NRG3: variants seen among roughly 807,000 people sequenced by gnomAD.
The protein encoded by NRG3 is neuregulin 3.
Under a neutral mutation model 66.9 loss-of-function variants are expected in NRG3, and 31 were observed. The ratio of observed to expected loss-of-function variants is 0.46; its 90% CI spans 0.35 to 0.63. NRG3 has a LOEUF of 0.63. Ranked by LOEUF, NRG3 falls within the 20% of genes least tolerant of loss-of-function variation. The pLI is 0.00. For missense variants in NRG3, 910 were observed against 878.9 expected, an observed-to-expected ratio of 1.04 and a Z score of -0.45; for synonymous variants, 393 against 359.4, an observed-to-expected ratio of 1.09 and a Z score of -1.06.
intron 1 of NRG3, among the ~76,000 whole-genome samples, chr10:82,125,130 G>A (rs892534126): frequency 7.9e-5 from 12 of 151,932 alleles, no homozygotes; most frequent in Non-Finnish European, 1.5e-4. Context: ...GGGCTTATGA[G>A]ACAATTGAAA....
chr10:82,960,737 T>G (rs1307267149), intron 6 of NRG3, among the ~76,000 whole-genome samples: 1 of 152,058 alleles, frequency 6.6e-6, no homozygotes, highest in East Asian at 1.9e-4. Context: ...ACTGGTGACA[T>G]TACCTTGTGA....
At chr10:82,902,303 T>C (rs959915082) in intron 4 of NRG3, among the ~76,000 whole-genome samples, 1 of 152,180 alleles carries the variant, frequency 6.6e-6, no homozygotes, top group African/African-American at 2.4e-5. Flanking sequence ...CTGGGGAAGA[T>C]TAAAAAGATT....
intron 4 of NRG3, among the ~76,000 whole-genome samples, chr10:82,923,134 T>C (rs1277256130): frequency 6.6e-6 from 1 of 152,214 alleles, no homozygotes; most frequent in African/African-American, 2.4e-5. Context: ...TCATGCCACT[T>C]CCTGCAATCT....
intron 2 of NRG3, among the ~76,000 whole-genome samples, chr10:82,553,345 C>T (rs1461449704): frequency 1.3e-5 from 2 of 151,956 alleles, no homozygotes; most frequent in Non-Finnish European, 2.9e-5. Context: ...CACACAATCA[C>T]CACTTCATGT....
At chr10:82,004,230 T>C (rs890062482) in intron 1 of NRG3, among the ~76,000 whole-genome samples, 3 of 151,526 alleles carry the variant, frequency 2.0e-5, no homozygotes. Context: ...AATAGTTACA[T>C]ATCTACACAC....
chr10:82,287,170 G>C (rs2079462910), intron 1 of NRG3, among the ~76,000 whole-genome samples: 1 of 151,984 alleles, frequency 6.6e-6, no homozygotes, highest in South Asian at 2.1e-4. Context: ...CCTGGTGAGG[G>C]GTGTTTGGGT....
chr10:82,761,830 G>A (rs1315677850), intron 3 of NRG3, among the ~76,000 whole-genome samples: 2 of 151,460 alleles, frequency 1.3e-5, no homozygotes, highest in African/African-American at 4.8e-5. Flanking sequence ...ACATATATAT[G>A]TGTATGCACA....
chr10:82,196,473 T>C (rs1334638934), intron 1 of NRG3, among the ~76,000 whole-genome samples: 3 of 152,188 alleles, frequency 2.0e-5, no homozygotes, highest in African/African-American at 4.8e-5. Context: ...CAGGTCTCAC[T>C]TTCAATGCCT....
At chr10:82,701,867 C>A (rs2055906503) in intron 2 of NRG3, among the ~76,000 whole-genome samples, 1 of 152,142 alleles carries the variant, frequency 6.6e-6, no homozygotes, top group African/African-American at 2.4e-5. Context: ...TGCAAAACTT[C>A]CTCATTCTTC....
intron 1 of NRG3, among the ~76,000 whole-genome samples, chr10:81,981,289 T>C (rs1045454711): frequency 2.0e-5 from 3 of 152,152 alleles, no homozygotes; most frequent in Non-Finnish European, 4.4e-5. Context: ...AATCCATTGC[T>C]AAGACAGGAA....
At chr10:82,633,605 AG>A (rs1565149187) in intron 2 of NRG3, among the ~76,000 whole-genome samples, 1 of 152,110 alleles carries the variant, frequency 6.6e-6, no homozygotes, top group Non-Finnish European at 1.5e-5. Context: ...AGTGTGGCCC[AG>A]GAGTCAAGAT....
intron 3 of NRG3, among the ~76,000 whole-genome samples, chr10:82,756,948 G>C (rs968059341): frequency 2.0e-5 from 3 of 151,898 alleles, no homozygotes; most frequent in Non-Finnish European, 4.4e-5. Context: ...TTTTATCTAG[G>C]TGAAGTTTTC....
chr10:82,330,762 A>C (rs1033817755), intron 1 of NRG3, among the ~76,000 whole-genome samples: 4 of 152,228 alleles, frequency 2.6e-5, no homozygotes, highest in African/African-American at 9.6e-5. Flanking sequence ...CACCAACTTA[A>C]CATCTGAAAT....
At chr10:82,136,883 A>G (rs1376477800) in intron 1 of NRG3, among the ~76,000 whole-genome samples, 2 of 152,120 alleles carry the variant, frequency 1.3e-5, no homozygotes, top group Non-Finnish European at 2.9e-5. Context: ...CAATCACTGT[A>G]CTCTTTCAAA....
At chr10:81,950,939 G>A (rs902577712) in intron 1 of NRG3, among the ~76,000 whole-genome samples, 1 of 151,354 alleles carries the variant, frequency 6.6e-6, no homozygotes, top group African/African-American at 2.4e-5. Context: ...TTTGTAAATT[G>A]CAATCTTGCC....
At chr10:82,118,226 A>AC (rs2067851963) in intron 1 of NRG3, among the ~76,000 whole-genome samples, 1 of 151,794 alleles carries the variant, frequency 6.6e-6, no homozygotes, top group African/African-American at 2.4e-5. Flanking sequence ...TAAAAAAAAA[A>AC]AAAAAACTAA....
intron 1 of NRG3, among the ~76,000 whole-genome samples, chr10:82,048,552 G>A (rs1474256215): frequency 1.3e-5 from 2 of 149,860 alleles, no homozygotes; most frequent in African/African-American, 4.9e-5. Context: ...TGAAACCAAC[G>A]AGAACGAAGA....
rs145132628 is a variant in NRG3, at chr10:82,639,016, A to G, written c.954-99561A>G. Among the ~76,000 whole-genome samples the G allele has an allele frequency of 7.5e-3, 1,143 of 152,232 alleles. 14 individuals are homozygous for G. The highest frequency in any genetic ancestry group is 0.025 in the African/African-American group (1,036 of 41,528). ...GCCTTTCAAAATCTTCTGTTTGAAA[A>G]CATCCCCTTCAACTCTGTCGTTGCC... On this transcript the variant is annotated intron_variant, in intron 2 of 8. Coordinates refer to ENST00000372141, the MANE Select transcript of NRG3 (RefSeq NM_001010848.4).
rs188381609 is a variant in NRG3, at chr10:81,951,515, A to C, written c.823+75352A>C. ...AATTTTCAAACCCAATGTGGCCAAC[A>C]CCCCCACAGACACCTGGAGAATTCA... On this transcript the variant is annotated intron_variant, in intron 1 of 8. Transcript: ENST00000372141. Among the ~76,000 whole-genome samples the C allele has an allele frequency of 4.5e-3, 679 of 152,166 alleles. 1 individual carries two copies. Among genetic ancestry groups the C allele is most frequent in the Middle Eastern group, 0.01 (3 of 294 alleles).
Sources: gnomAD v4.1 joint callset for allele counts (sites outside exome capture counted in the v4.1 genomes callset) on GRCh38, gnomAD v4.1.1 for gene constraint, MANE v1.5 for transcripts, NCBI Gene and HGNC (gene_info 2026-07-23, HGNC 2026-07-21) for gene names.